C2orf49: variants seen among roughly 807,000 people sequenced by gnomAD.
C2orf49 encodes tRNA-splicing ligase complex subunit ASW.
Under a neutral mutation model 20.6 loss-of-function variants are expected in C2orf49, and 11 were observed. That is an observed-to-expected ratio of 0.53 (90% CI 0.34 to 0.88). The LOEUF (loss-of-function observed/expected upper bound fraction) is 0.88, where lower values mean the gene tolerates loss of function less well. C2orf49 is among the 40% of genes least tolerant of loss of function. The pLI is 0.02. For synonymous variants in C2orf49, 134 were observed against 108.5 expected (o/e 1.24, Z -1.46); for missense variants, 289 against 274.2 (o/e 1.05, Z -0.38).
At chr2:105,373,803 C>T in the C2orf49 span, 1 of 1,510,400 alleles carries the variant, frequency 6.6e-7, no homozygotes, top group Non-Finnish European at 9.1e-7. Flanking sequence ...CATAGGGGCC[C>T]CTTGCGAATC....
chr2:105,383,799 T>G, the C2orf49 span, among the ~76,000 whole-genome samples: 1 of 152,306 alleles, frequency 6.6e-6, no homozygotes, highest in East Asian at 1.9e-4. Flanking sequence ...TTTTTGAAAG[T>G]CAAGAAAAGC....
At chr2:105,349,929 G>A (rs893158268), downstream of C2orf49, among the ~76,000 whole-genome samples, 1 of 152,182 alleles carries the variant, frequency 6.6e-6, no homozygotes, top group African/African-American at 2.4e-5. Context: ...CCACTTGTAT[G>A]TGGACCTGGC....
At chr2:105,338,321 G>A (rs183895719) in intron 1 of C2orf49, among the ~76,000 whole-genome samples, 1 of 147,174 alleles carries the variant, frequency 6.8e-6, no homozygotes, top group East Asian at 2.0e-4. Context: ...AGCGTATTTT[G>A]TTGTTTTTCA....
the C2orf49 span, chr2:105,367,664 A>G: frequency 6.2e-7 from 1 of 1,614,204 alleles, no homozygotes; most frequent in Non-Finnish European, 8.5e-7. Context: ...CTTGGTTCCA[A>G]TTGGCTGCTG....
chr2:105,356,202 C>T, the C2orf49 span, among the ~76,000 whole-genome samples: 13 of 152,196 alleles, frequency 8.5e-5, no homozygotes, highest in Non-Finnish European at 1.5e-4. Flanking sequence ...ACGAGCCTGG[C>T]CAACGTGGTG....
the C2orf49 span, among the ~76,000 whole-genome samples, chr2:105,364,375 C>A: frequency 2.6e-5 from 4 of 152,178 alleles, no homozygotes; most frequent in Non-Finnish European, 5.9e-5. Flanking sequence ...AAAGGACAGC[C>A]GGGACTAGCA....
At chr2:105,363,702 C>T in the C2orf49 span, among the ~76,000 whole-genome samples, 9 of 152,168 alleles carry the variant, frequency 5.9e-5, no homozygotes, top group Admixed American at 5.9e-4. Context: ...CTTGGGGTTG[C>T]CCTCAGCCCT....
At chr2:105,355,769 T>TG in the C2orf49 span, among the ~76,000 whole-genome samples, 15,184 of 126,586 alleles carry the variant, frequency 0.12, 1,090 homozygotes, top group Middle Eastern at 0.2. Context: ...GAGAAAAAAT[T>TG]TTGTGTGTGT....
At chr2:105,373,622 T>C in the C2orf49 span, 2 of 1,614,216 alleles carry the variant, frequency 1.2e-6, no homozygotes, top group East Asian at 4.5e-5. Context: ...TAGCAGTCTG[T>C]ACAGAGCAGC....
the C2orf49 span, among the ~76,000 whole-genome samples, chr2:105,362,388 A>G: frequency 6.6e-6 from 1 of 152,212 alleles, no homozygotes; most frequent in Non-Finnish European, 1.5e-5. Context: ...GAGTTAGCTG[A>G]GTTAGGTGAA....
intron 3 of C2orf49, 63 bp downstream of exon 3, chr2:105,343,286 C>T: frequency 6.7e-7 from 1 of 1,492,516 alleles, no homozygotes; most frequent in South Asian, 1.4e-5. Flanking sequence ...CAGTCTGCCT[C>T]ATGACGGGAG....
the C2orf49 span, among the ~76,000 whole-genome samples, chr2:105,354,479 A>G: frequency 6.6e-6 from 1 of 152,120 alleles, no homozygotes; most frequent in Non-Finnish European, 1.5e-5. Context: ...AGCCTGGCCA[A>G]CATGGTGAAA....
At chr2:105,369,478 T>C in the C2orf49 span, among the ~76,000 whole-genome samples, 2 of 152,196 alleles carry the variant, frequency 1.3e-5, no homozygotes, top group East Asian at 1.9e-4. Flanking sequence ...TTTGAGATTA[T>C]ATAAAATAAG....
In C2orf49 at chr2:105,337,593, G is replaced by A. The variant is rs1019635893; in HGVS notation, c.6G>A (p.Ala2=). The change falls in exon 1 of 4, where the codon GCG becomes GCA. Residue 2 remains alanine, a synonymous_variant. Transcript: ENST00000258457. M[A]GDVGGRSCTD... is the part of the protein sequence containing the mutation. ...GGGGTCTCCTGGCGACGACCATGGC[G>A]GGGGATGTGGGCGGTCGCAGCTGCA... 5 of 1,613,316 alleles carry A rather than the reference G, an allele frequency of 3.1e-6. No homozygotes were observed. The highest frequency in any genetic ancestry group is 2.2e-5 in the East Asian group (1 of 44,856).
At chr2:105,352,447 T>TTTC (rs1334412111), downstream of C2orf49, among the ~76,000 whole-genome samples, 55 of 108,112 alleles carry the variant, frequency 5.1e-4, 1 homozygote, top group East Asian at 7.4e-3. Flanking sequence ...TTTTTTTTTT[T>TTTC]TTTCGTTTTT....
the C2orf49 span, among the ~76,000 whole-genome samples, chr2:105,367,128 C>T: frequency 1.3e-5 from 2 of 152,204 alleles, no homozygotes; most frequent in South Asian, 4.1e-4. Flanking sequence ...GCAGACTTTT[C>T]TCCTTTACTT....
At chr2:105,384,771 G>T in the C2orf49 span, among the ~76,000 whole-genome samples, 1 of 152,350 alleles carries the variant, frequency 6.6e-6, no homozygotes, top group South Asian at 2.1e-4. Context: ...GCCTCCCAAA[G>T]TGCTGGGATT....
chr2:105,338,465 G>A (rs1679567441), intron 1 of C2orf49, among the ~76,000 whole-genome samples: 1 of 152,172 alleles, frequency 6.6e-6, no homozygotes, highest in African/African-American at 2.4e-5. Context: ...CGAGGGACTT[G>A]CTAAAACACA....
chr2:105,370,736 T>C, the C2orf49 span, among the ~76,000 whole-genome samples: 1 of 152,238 alleles, frequency 6.6e-6, no homozygotes, highest in Non-Finnish European at 1.5e-5. Flanking sequence ...TTCAGTGTTT[T>C]GTCGGTGCTG....
Sources: gnomAD v4.1 joint callset for allele counts (sites outside exome capture counted in the v4.1 genomes callset) on GRCh38, gnomAD v4.1.1 for gene constraint, MANE v1.5 for transcripts, NCBI Gene and HGNC (gene_info 2026-07-23, HGNC 2026-07-21) for gene names.